Variants in CSNK2A2 observed in about 807,000 individuals in gnomAD.
CSNK2A2 encodes the protein casein kinase 2 alpha 2.
Under a neutral mutation model 54.0 loss-of-function variants are expected in CSNK2A2, and 8 were observed. The ratio of observed to expected loss-of-function variants is 0.15; its 90% confidence interval spans 0.09 to 0.27. The LOEUF (loss-of-function observed/expected upper bound fraction) is 0.27, where lower values mean the gene tolerates loss of function less well. CSNK2A2 is among the 10% of genes least tolerant of loss of function. CSNK2A2 has a pLI of 1.00. For synonymous variants in CSNK2A2, 141 were observed against 153.9 expected, an observed-to-expected ratio of 0.92 and a Z score of 0.62; for missense variants, 242 against 439.4, an observed-to-expected ratio of 0.55 and a Z score of 4.02.
At chr16:58,188,164 CAA>C (rs1962238962) in intron 2 of CSNK2A2, among the ~76,000 whole-genome samples, 2 of 152,132 alleles carry the variant, frequency 1.3e-5, no homozygotes, top group African/African-American at 4.8e-5. Context: ...GACTATGAAA[CAA>C]GAGCACTTGC....
chr16:58,189,364 T>C (rs1051816626), intron 2 of CSNK2A2, among the ~76,000 whole-genome samples: 4 of 152,168 alleles, frequency 2.6e-5, no homozygotes, highest in African/African-American at 7.2e-5. Flanking sequence ...AAAGCAGCTA[T>C]AGATCTATAA....
chr16:58,195,290 T>C (rs1194854887), intron 2 of CSNK2A2, among the ~76,000 whole-genome samples: 2 of 152,188 alleles, frequency 1.3e-5, no homozygotes, highest in Non-Finnish European at 2.9e-5. Flanking sequence ...AGCCCCAGTG[T>C]GTCTGAGAAC....
chr16:58,165,975 T>C (rs556021325), intron 9 of CSNK2A2, among the ~76,000 whole-genome samples: 1 of 152,344 alleles, frequency 6.6e-6, no homozygotes, highest in African/African-American at 2.4e-5. Context: ...TTTTATGCTG[T>C]AGACTTTTAG....
intron 5 of CSNK2A2, among the ~76,000 whole-genome samples, chr16:58,172,830 G>A: frequency 6.6e-6 from 1 of 152,140 alleles, no homozygotes; most frequent in East Asian, 1.9e-4. Context: ...ATAAGTATAT[G>A]TCCTCACTGC....
At chr16:58,196,544 G>A (rs1962455519) in intron 2 of CSNK2A2, among the ~76,000 whole-genome samples, 189 bp downstream of exon 2, 1 of 152,184 alleles carries the variant, frequency 6.6e-6, no homozygotes, top group Non-Finnish European at 1.5e-5. Flanking sequence ...CTGGAGCCCA[G>A]GAGTTGAAGG....
At chr16:58,184,836 G>A (rs1235738719) in intron 3 of CSNK2A2, among the ~76,000 whole-genome samples, 1 of 152,084 alleles carries the variant, frequency 6.6e-6, no homozygotes, top group African/African-American at 2.4e-5. Context: ...TGTATCATAG[G>A]TCTTTTGGGG....
intron 2 of CSNK2A2, among the ~76,000 whole-genome samples, chr16:58,189,882 C>T (rs530305809): frequency 1.3e-5 from 2 of 152,248 alleles, no homozygotes; most frequent in South Asian, 2.1e-4. Flanking sequence ...GAGAGATGCT[C>T]GAGAAACTAA....
At chr16:58,179,756 T>TC (rs1462243742) in intron 4 of CSNK2A2, among the ~76,000 whole-genome samples, 40 of 152,160 alleles carry the variant, frequency 2.6e-4, no homozygotes, top group African/African-American at 9.4e-4. Context: ...CTTAGGGTTG[T>TC]ACAAACTTAA....
At chr16:58,182,374 CAAA>C (rs71155249) in intron 4 of CSNK2A2, among the ~76,000 whole-genome samples, 7 of 25,746 alleles carry the variant, frequency 2.7e-4, no homozygotes, top group East Asian at 1.4e-3. Context: ...CTAAATATAC[CAAA>C]AAAAAAAAAA....
At chr16:58,168,778 T>C in intron 5 of CSNK2A2, 85 bp from the exon 6 acceptor site, 1 of 1,047,428 alleles carries the variant, frequency 9.5e-7, no homozygotes, top group Non-Finnish European at 1.4e-6. Context: ...TTGTGACACC[T>C]TGACTTGAAT....
chr16:58,174,032 G>GTCAT (rs1049454109), intron 5 of CSNK2A2: 3 of 153,588 alleles, frequency 2.0e-5, no homozygotes, highest in African/African-American at 7.2e-5. Flanking sequence ...TGTGAATGAG[G>GTCAT]TCATCCTGGA....
intron 4 of CSNK2A2, among the ~76,000 whole-genome samples, chr16:58,181,548 A>C (rs1962041932): frequency 6.6e-6 from 1 of 152,196 alleles, no homozygotes; most frequent in African/African-American, 2.4e-5. Flanking sequence ...AAAAACTCAC[A>C]CACAAAGAAA....
Position 58,165,678 on chromosome 16 carries a change from G to C in CSNK2A2, c.858C>G (p.Ile286Met). The change falls in exon 10 of 12, where the codon ATC becomes ATG. Residue 286 changes from isoleucine to methionine, a missense_variant. Physicochemically the swap from Ile to Met is conservative, Grantham distance 10. Transcript: ENST00000262506. ...TGACAAGGTGTCTGTTCTCACTATGGATAAAGTTTTCCCAGCGTTTCCGTG... is the reference window on the plus strand; with the variant it reads ...TGACAAGGTGTCTGTTCTCACTATGCATAAAGTTTTCCCAGCGTTTCCGTG... ...QHSRKRWENF[I>M]HSENRHLVSP... 1.2e-6 allele frequency: 2 copies of C among 1,611,584 alleles called. No homozygotes were observed. Among genetic ancestry groups the C allele is most frequent in the Non-Finnish European group, 1.7e-6 (2 of 1,179,384 alleles).
intron 8 of CSNK2A2, among the ~76,000 whole-genome samples, chr16:58,166,998 C>G (rs1448978556): frequency 2.6e-5 from 4 of 152,190 alleles, no homozygotes; most frequent in African/African-American, 9.7e-5. Context: ...CACAGATTCA[C>G]TTTGGAAGTT....
Position 58,196,745 on chromosome 16 carries a change from T to C in CSNK2A2, c.204A>G (p.Val68=). 1.9e-6 allele frequency: 3 copies of C among 1,612,468 alleles called. No individual in the cohort carries two copies. Among genetic ancestry groups the C allele is most frequent in the Non-Finnish European group, 2.5e-6 (3 of 1,178,458 alleles). The change falls in exon 2 of 12, where the codon GTA becomes GTG. Residue 68 remains valine, a synonymous_variant. Transcript: ENST00000262506. ...ATAGGACACTCACCTTCAGGATTTT[T>C]ACAACCACTCTCTCATTGTTGGTGA... ...INITNNERVV[V]KILKPVKKKK...
intron 4 of CSNK2A2, among the ~76,000 whole-genome samples, chr16:58,182,404 A>AAC (rs1567470364): frequency 1.4e-5 from 2 of 139,868 alleles, no homozygotes; most frequent in African/African-American, 5.1e-5. Context: ...AAAAAAAAAA[A>AAC]ACTAGCCAGG....
intron 11 of CSNK2A2, chr16:58,162,556 A>T (rs926386214): frequency 6.6e-6 from 1 of 152,224 alleles, no homozygotes; most frequent in Non-Finnish European, 1.5e-5. Flanking sequence ...TGGAATATGG[A>T]ATGTAAACAA....
chr16:58,174,555 C>T, intron 4 of CSNK2A2, 45 bp from the exon 5 acceptor site: 1 of 1,496,610 alleles, frequency 6.7e-7, no homozygotes, highest in South Asian at 1.2e-5. Flanking sequence ...AGTCTCACTG[C>T]ATCTTGTCAT....
intron 5 of CSNK2A2, among the ~76,000 whole-genome samples, chr16:58,170,759 C>T (rs190714034): frequency 4.6e-5 from 7 of 152,084 alleles, no homozygotes; most frequent in African/African-American, 9.6e-5. Flanking sequence ...ATGTGTCTAC[C>T]GGCCATTCTA....
Sources: allele counts gnomAD v4.1 joint callset (sites outside exome capture counted in the v4.1 genomes callset), GRCh38; gene constraint gnomAD v4.1.1; transcripts MANE v1.5; gene names NCBI Gene and HGNC (gene_info 2026-07-23, HGNC 2026-07-21).